Variants in TSFM observed in about 807,000 individuals in gnomAD.
The protein encoded by TSFM is Ts translation elongation factor, mitochondrial, also known as elongation factor Ts, mitochondrial.
A neutral mutation model predicts 33.4 loss-of-function variants in TSFM; 29 were observed. The ratio of observed to expected loss-of-function variants is 0.87; its 90% CI spans 0.65 to 1.18. The LOEUF (loss-of-function observed/expected upper bound fraction) is 1.18, where lower values mean the gene tolerates loss of function less well. Among genes scored for constraint, TSFM ranks in the 50% most tolerant of loss-of-function variants. TSFM has a pLI of 0.00. For missense variants in TSFM, 394 were observed against 395.6 expected (o/e 1.00, Z 0.04); for synonymous variants, 178 against 163.5 (o/e 1.09, Z -0.68).
At chr12:57,799,971 G>C (rs1565828184), downstream of TSFM, 1 of 1,605,426 alleles carries the variant, frequency 6.2e-7, no homozygotes, top group Non-Finnish European at 8.5e-7. Flanking sequence ...CAGTGTCTGT[G>C]TGGTTACAGT....
At chr12:57,801,136 C>G (rs370110825), downstream of TSFM, 1 of 1,612,910 alleles carries the variant, frequency 6.2e-7, no homozygotes, top group Middle Eastern at 1.7e-4. Context: ...AGAGCGAACC[C>G]GACTCACAGC....
At chr12:57,800,070 G>T, downstream of TSFM, 1 of 1,055,854 alleles carries the variant, frequency 9.5e-7, no homozygotes, top group Non-Finnish European at 1.4e-6. Flanking sequence ...AAACCTGGCT[G>T]CATGTCAGAA....
At position 57,796,206 on chromosome 12, in the gene TSFM, C is replaced by A; in HGVS notation, c.601C>A (p.Arg201=). ...GKLGENMILK[R]AAWVKVPSGF... is the part of the protein sequence containing the mutation. ...ACTGGGAGAAAACATGATTCTTAAA[C>A]GAGCTGCATGGGTGAAGGTGCCATC... Residue 201 remains arginine (R), a synonymous_variant, in exon 6 of 6, where the codon CGA becomes AGA. Transcript: ENST00000652027. The A allele has an allele frequency of 1.3e-6, 2 of 1,582,168 alleles. No homozygotes were observed. Among genetic ancestry groups the A allele is most frequent in the Middle Eastern group, 3.4e-4 (2 of 5,906 alleles).
chr12:57,787,299 T>C, intron 4 of TSFM, 137 bp downstream of exon 4: 3 of 927,622 alleles, frequency 3.2e-6, no homozygotes, highest in Non-Finnish European at 4.6e-6. Context: ...TGCATAGAAT[T>C]ACCCTTCCCC....
At chr12:57,784,293 T>G (rs1955559228) in intron 2 of TSFM, 1 of 599,746 alleles carries the variant, frequency 1.7e-6, no homozygotes, top group Admixed American at 2.7e-5. Context: ...TTGCTCTGGG[T>G]GAGTCAGTGA....
chr12:57,797,699 G>T, downstream of TSFM: 1 of 719,528 alleles, frequency 1.4e-6, no homozygotes, highest in Non-Finnish European at 1.9e-6. Context: ...AACATTTTAG[G>T]TATATAACAA....
chr12:57,786,113 T>C (rs1955587594), intron 2 of TSFM, 50 bp from the exon 3 acceptor site: 26 of 1,542,224 alleles, frequency 1.7e-5, no homozygotes, highest in Non-Finnish European at 2.3e-5. Flanking sequence ...CTACATTTAG[T>C]GCTAAATTCT....
chr12:57,802,745 G>A (rs10783848), downstream of TSFM: 207,279 of 587,428 alleles, frequency 0.35, 41,170 homozygotes, highest in East Asian at 0.71. Flanking sequence ...TAAGGCAGAA[G>A]CCTGAGAGTT....
downstream of TSFM, chr12:57,801,374 C>T: frequency 3.6e-6 from 2 of 558,616 alleles, no homozygotes. Context: ...TCCATGCAGG[C>T]TTGAAAGGTG....
At chr12:57,799,903 G>A (rs1162546794), downstream of TSFM, 2 of 1,614,022 alleles carry the variant, frequency 1.2e-6, no homozygotes, top group Non-Finnish European at 1.7e-6. Context: ...TCAGGGAGAG[G>A]GTTGCATTCT....
Position 57,796,256 on chromosome 12 carries a change from C to T in TSFM, c.651C>T (p.Val217=). ...CTGGGTTCTACGTTGGCTCTTATGTCCACGGAGCAATGCAGAGTCCCTCAC... is the reference window on the plus strand; with the variant it reads ...CTGGGTTCTACGTTGGCTCTTATGTTCACGGAGCAATGCAGAGTCCCTCAC... The part of the protein sequence containing the change: ...VPSGFYVGSY[V]HGAMQSPSLH... The change falls in exon 6 of 6, where the codon GTC becomes GTT. Residue 217 remains valine (V), a synonymous_variant. Transcript: ENST00000652027. 1.2e-6 allele frequency: 2 copies of T among 1,613,340 alleles called. No homozygotes were observed. The highest frequency in any genetic ancestry group is 1.7e-6 in the Non-Finnish European group (2 of 1,179,562).
At chr12:57,783,907 C>A in intron 2 of TSFM, 1 of 700,544 alleles carries the variant, frequency 1.4e-6, no homozygotes, top group Admixed American at 2.0e-5. Context: ...TGAGCCACCG[C>A]GCCCGGCTGA....
chr12:57,789,297 T>C (rs566180139), intron 4 of TSFM, among the ~76,000 whole-genome samples: 12 of 152,012 alleles, frequency 7.9e-5, no homozygotes, highest in African/African-American at 2.9e-4. Context: ...TTTTTGTAAG[T>C]ATGTTGCAGA....
At chr12:57,792,322 G>A (rs1440858205) in intron 4 of TSFM, among the ~76,000 whole-genome samples, 3 of 152,206 alleles carry the variant, frequency 2.0e-5, no homozygotes, top group African/African-American at 7.2e-5. Flanking sequence ...ACTGAAGCAG[G>A]AGGATCTCTT....
At chr12:57,799,693 C>T (rs999531556), downstream of TSFM, 54 of 1,509,426 alleles carry the variant, frequency 3.6e-5, no homozygotes, top group Non-Finnish European at 3.3e-5. Context: ...GTCCATTGAG[C>T]GGCTACAATG....
chr12:57,790,522 A>G (rs1171203615), intron 4 of TSFM, among the ~76,000 whole-genome samples: 2 of 152,312 alleles, frequency 1.3e-5, no homozygotes, highest in South Asian at 2.1e-4. Context: ...AAGTGTTACA[A>G]TATATATACA....
chr12:57,799,783 T>G (rs189534162), downstream of TSFM: 1,380 of 1,613,700 alleles, frequency 8.6e-4, 9 homozygotes, highest in Middle Eastern at 1.7e-4. Context: ...CACAGTTCCT[T>G]CAGCCACTCA....
intron 2 of TSFM, chr12:57,783,759 ATTTTATT>A (rs756710679): frequency 7.9e-5 from 45 of 572,404 alleles, no homozygotes; most frequent in Admixed American, 3.8e-4. Flanking sequence ...ACACCCGGCT[ATTTTATT>A]TTTTATTTTT....
At chr12:57,799,705 G>A (rs1955807278), downstream of TSFM, 1 of 1,559,996 alleles carries the variant, frequency 6.4e-7, no homozygotes, top group Admixed American at 1.7e-5. Flanking sequence ...GCTACAATGT[G>A]CCGGAGCTGT....
Sources: gnomAD v4.1 joint callset for allele counts (sites outside exome capture counted in the v4.1 genomes callset) on GRCh38, gnomAD v4.1.1 for gene constraint, MANE v1.5 for transcripts, NCBI Gene and HGNC (gene_info 2026-07-23, HGNC 2026-07-21) for gene names.